ENTPD6: variants seen among roughly 807,000 people sequenced by gnomAD.
The protein encoded by ENTPD6 is CD39 antigen-like 2.
A neutral mutation model predicts 61.5 loss-of-function variants in ENTPD6; 46 were observed. The ratio of observed to expected loss-of-function variants is 0.75; its 90% CI spans 0.59 to 0.96. The LOEUF is 0.96. Among genes scored for constraint, ENTPD6 ranks in the 40% least tolerant of loss-of-function variants. The pLI is 0.00. For synonymous variants in ENTPD6, 252 were observed against 255.5 expected (o/e 0.99, Z 0.13); for missense variants, 612 against 629.0 (o/e 0.97, Z 0.29).
In ENTPD6 at chr20:25,213,401, C is replaced by T. The variant is rs1328272061; in HGVS notation, c.592C>T (p.Gln198Ter). 14 of 1,606,300 alleles carry T rather than the reference C, an allele frequency of 8.7e-6. No individual in the cohort carries two copies. The Admixed American group carries it at 2.0e-4, about 23-fold the overall frequency. The change falls in exon 5 of 15, where the codon CAG becomes TAG. Residue 198 changes from glutamine to a stop codon, truncating the protein, a stop_gained. Transcript: ENST00000376652. LOFTEE classifies it high-confidence loss of function. Reference sequence around the variant, plus strand: ...TGGAGAAAAGGCCCAGAAGTTACTGCAGAAGGTGAGCCTGGCCATTCCCCA... The same window carrying T: ...TGGAGAAAAGGCCCAGAAGTTACTGTAGAAGGTGAGCCTGGCCATTCCCCA... ...LPGEKAQKLL[Q>*]KVKKVFKASP...
rs1044567 is a variant in ENTPD6, at chr20:25,209,884, C to G, written c.412C>G (p.Leu138Val). ...GTTAACCCACGAAACCTTCAAAGCACTGAAGCCAGGTCTTTCTGCCTATGC... is the reference window on the plus strand; with the variant it reads ...GTTAACCCACGAAACCTTCAAAGCAGTGAAGCCAGGTCTTTCTGCCTATGC... The part of the protein sequence containing the change: ...PTLTHETFKA[L>V]KPGLSAYADD... The change falls in exon 4 of 15, where the codon CTG becomes GTG. Residue 138 changes from leucine (L) to valine (V), a missense_variant. Transcript: ENST00000376652. The G allele has an allele frequency of 1.2e-6, 2 of 1,614,234 alleles. No individual in the cohort carries two copies. Among genetic ancestry groups the G allele is most frequent in the South Asian group, 2.2e-5 (2 of 91,084 alleles).
intron 5 of ENTPD6, among the ~76,000 whole-genome samples, chr20:25,214,143 G>A (rs1003889841): frequency 6.6e-6 from 1 of 152,168 alleles, no homozygotes. Context: ...GCACGTCAGG[G>A]CCAATGTGTC....
Position 25,209,834 on chromosome 20 carries a change from A to G in ENTPD6, c.377-15A>G, listed in dbSNP as rs749355416. ...TATTCATAGTTGTACCCTTTTCAACATGTTTTCCCCTTAGAAACTCCCACG... is the reference window on the plus strand; with the variant it reads ...TATTCATAGTTGTACCCTTTTCAACGTGTTTTCCCCTTAGAAACTCCCACG... On this transcript the variant is annotated splice_polypyrimidine_tract_variant and intron_variant, in intron 3 of 14. Coordinates refer to ENST00000376652, the MANE Select transcript of ENTPD6 (RefSeq NM_001247.5). The G allele has an allele frequency of 1.1e-5, 17 of 1,610,220 alleles. No homozygotes were observed. Among genetic ancestry groups the G allele is most frequent in the Non-Finnish European group, 1.4e-5 (17 of 1,176,420 alleles).
At chr20:25,223,158 C>A (rs1373671438) in intron 12 of ENTPD6, among the ~76,000 whole-genome samples, 180 bp downstream of exon 12, 5 of 152,162 alleles carry the variant, frequency 3.3e-5, no homozygotes, top group African/African-American at 1.2e-4. Context: ...AAGATCAGTT[C>A]TTTGAGCCCT....
rs754083394 is a variant in ENTPD6, at chr20:25,226,359, G to A, written c.*762G>A. On this transcript the variant is annotated 3_prime_UTR_variant, in exon 15 of 15. Transcript: ENST00000376652. ...GACGTCTCTGTCGTGTGGGTGCCAA[G>A]TGCTTGTGTAGAAACTGTGTTCTGA... is the stretch of plus-strand genomic sequence containing the variant. 2.0e-5 allele frequency: 3 copies of A among 152,808 alleles called. No individual in the cohort carries two copies. The highest frequency in any genetic ancestry group is 6.5e-5 in the Admixed American group (1 of 15,292). 9.5% of individuals were successfully genotyped at this position (152,808 alleles called of 1,614,324 possible). A position where few individuals can be genotyped will look rare whatever the true frequency, so the allele number is the denominator to read the frequency against.
rs988692338 is a variant in ENTPD6 at position 25,220,510 on chromosome 20, G to A, written c.944-722G>A. 8.3e-4 allele frequency among the ~76,000 whole-genome samples: 126 copies of A among 152,290 alleles called. 1 individual carries two copies. The highest frequency in any genetic ancestry group is 3.4e-3 in the Middle Eastern group (1 of 294). ...GCTGTGGCAGCTGTCTAAATCCCCC[G>A]CTGGGGTCCTGAGGGTCTGTGCACG... On this transcript the variant is annotated intron_variant, in intron 10 of 14. Coordinates refer to ENST00000376652, the MANE Select transcript of ENTPD6 (RefSeq NM_001247.5).
intron 1 of ENTPD6, among the ~76,000 whole-genome samples, chr20:25,199,520 G>T (rs2090852892): frequency 6.6e-6 from 1 of 152,140 alleles, no homozygotes; most frequent in Non-Finnish European, 1.5e-5. Flanking sequence ...ACAAAAATTA[G>T]CAACATAATC....
At chr20:25,215,556 G>A (rs1173747311) in intron 6 of ENTPD6, 120 bp from the exon 7 acceptor site, 6 of 934,716 alleles carry the variant, frequency 6.4e-6, no homozygotes, top group African/African-American at 1.6e-5. Context: ...AAGGCTGGGT[G>A]TAGTGCGGAA....
intron 2 of ENTPD6, among the ~76,000 whole-genome samples, chr20:25,206,826 A>G (rs1214533108): frequency 6.6e-6 from 1 of 152,214 alleles, no homozygotes; most frequent in Non-Finnish European, 1.5e-5. Flanking sequence ...TCTGTGCACC[A>G]GGTCAGCAGC....
chr20:25,205,903 T>G (rs556720108), intron 1 of ENTPD6, among the ~76,000 whole-genome samples: 1 of 152,378 alleles, frequency 6.6e-6, no homozygotes, highest in South Asian at 2.1e-4. Context: ...TCCGTTCTGC[T>G]GTGCCCAAAC....
rs757670085 is a variant in ENTPD6, at chr20:25,207,425, G to A, written c.376+28G>A. The A allele has an allele frequency of 2.4e-5, 36 of 1,506,770 alleles. No homozygotes were observed. The East Asian group carries it at 5.5e-4, about 23-fold the overall frequency. The allele number at this position is 1,506,770 out of a possible 1,614,324, so 93.3% of individuals were successfully genotyped here. On this transcript the variant is annotated intron_variant, in intron 3 of 14. Transcript: ENST00000376652. ...ACCCGCCTCTCATGGCAGGGCTCTC[G>A]GGATCTCCTCCCCTGTGCTACAGTG...
chr20:25,217,908 C>G (rs1474580245), intron 9 of ENTPD6, among the ~76,000 whole-genome samples: 1 of 150,554 alleles, frequency 6.6e-6, no homozygotes, highest in Non-Finnish European at 1.5e-5. Context: ...CCTCCCGCCT[C>G]CTCTGTCCTC....
rs2091975227 is a variant in ENTPD6, at chr20:25,211,738, AC to A, written c.454-1524del. ...GATAATGTCCAATCTTTCTCTCTTG[AC>A]AGTAGAAAAAGGCTGCACCTGACAC... On this transcript the variant is annotated intron_variant, in intron 4 of 14. Coordinates refer to ENST00000376652, the MANE Select transcript of ENTPD6 (RefSeq NM_001247.5). 2.6e-5 allele frequency among the ~76,000 whole-genome samples: 4 copies of A among 152,154 alleles called. No individual in the cohort carries two copies. The South Asian group carries it at 8.3e-4, about 32-fold the overall frequency.
intron 1 of ENTPD6, chr20:25,196,139 C>T: frequency 8.2e-7 from 1 of 1,218,396 alleles, no homozygotes; most frequent in South Asian, 4.3e-5. Context: ...AGCCCTGCTG[C>T]GTTCATTCAT....
chr20:25,218,058 TCTC>T (rs1165784501), intron 9 of ENTPD6, among the ~76,000 whole-genome samples: 18 of 149,524 alleles, frequency 1.2e-4, no homozygotes, highest in Admixed American at 2.7e-4. Flanking sequence ...CAGACCTCTC[TCTC>T]CTCCTCCTCC....
chr20:25,202,817 T>C (rs1343167284), intron 1 of ENTPD6, among the ~76,000 whole-genome samples: 2 of 152,260 alleles, frequency 1.3e-5, no homozygotes, highest in African/African-American at 4.8e-5. Context: ...AGACCAATTG[T>C]ACACTAATAC....
rs2091824776 is a variant in ENTPD6 at position 25,209,788 on chromosome 20, T to C, written c.377-61T>C. The C allele has an allele frequency of 5.7e-6, 8 of 1,413,006 alleles. No individual in the cohort carries two copies. The Admixed American group carries it at 1.3e-4, about 24-fold the overall frequency. The allele number at this position is 1,413,006 out of a possible 1,614,324, so 87.5% of individuals were successfully genotyped here. ...CTTTAAAAAGTGTGGCTAGTCATGATTGTATGTGTTCTCCTGTGTGTATTC... is the reference window on the plus strand; with the variant it reads ...CTTTAAAAAGTGTGGCTAGTCATGACTGTATGTGTTCTCCTGTGTGTATTC... On this transcript the variant is annotated intron_variant, in intron 3 of 14. Transcript: ENST00000376652.
intron 3 of ENTPD6, among the ~76,000 whole-genome samples, chr20:25,209,603 AAAT>A (rs1409827827): frequency 6.6e-6 from 1 of 150,532 alleles, no homozygotes; most frequent in Admixed American, 6.6e-5. Flanking sequence ...TAATTATAAT[AAAT>A]AATAATTTTA....
At chr20:25,219,674 G>A (rs1378250855) in intron 10 of ENTPD6, among the ~76,000 whole-genome samples, 7 of 152,342 alleles carry the variant, frequency 4.6e-5, no homozygotes, top group Non-Finnish European at 7.3e-5. Flanking sequence ...AGTGTCTGAT[G>A]TGTGTATGAG....
Sources: gnomAD v4.1 joint callset for allele counts (sites outside exome capture counted in the v4.1 genomes callset) on GRCh38, gnomAD v4.1.1 for gene constraint, MANE v1.5 for transcripts, NCBI Gene and HGNC (gene_info 2026-07-23, HGNC 2026-07-21) for gene names.